DLGAP2: variants seen among roughly 807,000 people sequenced by gnomAD.
DLGAP2 encodes the protein DLG associated protein 2, also known as disks large-associated protein 2.
Under a neutral mutation model 100.3 loss-of-function variants are expected in DLGAP2, and 26 were observed. The observed-to-expected ratio is 0.26, with a 90% CI of 0.19 to 0.36. The LOEUF (loss-of-function observed/expected upper bound fraction) is 0.36, where lower values mean the gene tolerates loss of function less well. Ranked by LOEUF, DLGAP2 falls within the 10% of genes least tolerant of loss-of-function variation. DLGAP2 has a pLI of 1.00. For synonymous variants in DLGAP2, 886 were observed against 630.1 expected (o/e 1.41, Z -6.08); for missense variants, 1,858 against 1,453.2 (o/e 1.28, Z -4.53).
intron 3 of DLGAP2, among the ~76,000 whole-genome samples, chr8:1,363,335 G>A (rs966376158): frequency 1.2e-4 from 18 of 152,154 alleles, no homozygotes; most frequent in African/African-American, 1.7e-4. Context: ...GCATGCTTGC[G>A]GCTGTCTCTC....
chr8:1,430,025 T>TATATATATATAC (rs1797377276), intron 3 of DLGAP2, among the ~76,000 whole-genome samples: 1 of 98,816 alleles, frequency 1.0e-5, no homozygotes, highest in African/African-American at 4.2e-5. Flanking sequence ...TATATATATA[T>TATATATATATAC]ATACACACAC....
chr8:919,714 G>T (rs1430011563), intron 2 of DLGAP2, among the ~76,000 whole-genome samples: 2 of 152,130 alleles, frequency 1.3e-5, no homozygotes, highest in South Asian at 2.1e-4. Context: ...AGACCAGCCT[G>T]CATGGGGTGT....
chr8:1,278,839 T>G (rs543372644), intron 3 of DLGAP2, among the ~76,000 whole-genome samples: 1 of 152,364 alleles, frequency 6.6e-6, no homozygotes, highest in African/African-American at 2.4e-5. Context: ...TCTTAGTCTT[T>G]CCAGAGGAGA....
At chr8:1,045,034 G>T (rs1356464282) in intron 2 of DLGAP2, among the ~76,000 whole-genome samples, 1 of 152,184 alleles carries the variant, frequency 6.6e-6, no homozygotes, top group Non-Finnish European at 1.5e-5. Context: ...CATGATAAGT[G>T]AGCAGAGAGA....
intron 1 of DLGAP2, among the ~76,000 whole-genome samples, chr8:849,453 G>A (rs558626841): frequency 3.3e-5 from 5 of 152,338 alleles, no homozygotes; most frequent in African/African-American, 1.2e-4. Context: ...TTTCACTTGG[G>A]CATTTAGTTC....
Position 1,509,481 on chromosome 8 carries a change from T to C in DLGAP2, c.172+8050T>C, listed in dbSNP as rs527435034. On this transcript the variant is annotated intron_variant, in intron 4 of 14. Transcript: ENST00000637795. The stretch of plus-strand genomic sequence containing the variant: ...ATATACGTCTTATTGTGGAATATAA[T>C]CCAAAAAGTTTGAAAGCCCTTGGCA... 1.3e-5 allele frequency among the ~76,000 whole-genome samples: 2 copies of C among 152,036 alleles called. 1 individual carries two copies. The highest frequency in any genetic ancestry group is 2.9e-5 in the Non-Finnish European group (2 of 68,016).
At chr8:1,444,771 C>CTT (rs914045708) in intron 3 of DLGAP2, among the ~76,000 whole-genome samples, 3,671 of 79,700 alleles carry the variant, frequency 0.046, 101 homozygotes, top group African/African-American at 0.083. Flanking sequence ...CCAGGTCATT[C>CTT]TTTTTTTTTT....
intron 2 of DLGAP2, among the ~76,000 whole-genome samples, chr8:960,252 T>TC (rs71528626): frequency 7.0e-6 from 1 of 141,928 alleles, no homozygotes; most frequent in African/African-American, 2.8e-5. Flanking sequence ...TTTTTTTTTT[T>TC]CCCGAGACAC....
chr8:1,467,685 C>T (rs935245173), intron 3 of DLGAP2, among the ~76,000 whole-genome samples: 4 of 152,182 alleles, frequency 2.6e-5, no homozygotes, highest in Non-Finnish European at 5.9e-5. Flanking sequence ...AGAACCACGG[C>T]AACGTCCCAT....
chr8:1,646,078 C>T (rs572619468), intron 8 of DLGAP2, among the ~76,000 whole-genome samples: 9 of 152,266 alleles, frequency 5.9e-5, no homozygotes, highest in African/African-American at 1.7e-4. Context: ...TCTGGTTAAA[C>T]ATTATTGTGG....
At chr8:990,319 C>T (rs1358495131) in intron 2 of DLGAP2, among the ~76,000 whole-genome samples, 3 of 145,802 alleles carry the variant, frequency 2.1e-5, no homozygotes, top group Middle Eastern at 3.6e-3. Context: ...AGACCCCCTG[C>T]ACCCCCATAC....
chr8:769,627 C>T (rs536740969), intron 1 of DLGAP2, among the ~76,000 whole-genome samples: 105 of 152,168 alleles, frequency 6.9e-4, no homozygotes, highest in South Asian at 1.4e-3. Flanking sequence ...TCTGTGGTGA[C>T]GTGTTGGGAT....
chr8:1,089,828 C>G (rs1025656453), intron 2 of DLGAP2, among the ~76,000 whole-genome samples: 1 of 152,230 alleles, frequency 6.6e-6, no homozygotes, highest in African/African-American at 2.4e-5. Flanking sequence ...ACATTGTGAT[C>G]AGACCTGATT....
chr8:883,546 G>C (rs1248239160), intron 1 of DLGAP2, among the ~76,000 whole-genome samples: 1 of 151,644 alleles, frequency 6.6e-6, no homozygotes, highest in African/African-American at 2.4e-5. Flanking sequence ...TACATGTACA[G>C]AATGTGCAGG....
At chr8:1,346,078 T>C (rs1409995329) in intron 3 of DLGAP2, among the ~76,000 whole-genome samples, 1 of 152,204 alleles carries the variant, frequency 6.6e-6, no homozygotes, top group Non-Finnish European at 1.5e-5. Context: ...GAGTGGAGGT[T>C]GAGTGCCCGG....
chr8:1,681,478 AT>A (rs200905919), intron 12 of DLGAP2, among the ~76,000 whole-genome samples: 5 of 151,262 alleles, frequency 3.3e-5, no homozygotes, highest in East Asian at 1.9e-4. Context: ...ACCAAAAAAA[AT>A]AATAATAATA....
chr8:1,226,022 A>G (rs972171408), intron 2 of DLGAP2, among the ~76,000 whole-genome samples: 1 of 152,164 alleles, frequency 6.6e-6, no homozygotes, highest in Non-Finnish European at 1.5e-5. Flanking sequence ...GTATATATGC[A>G]TATATATGGT....
intron 10 of DLGAP2, among the ~76,000 whole-genome samples, chr8:1,671,829 G>C (rs1798698207): frequency 6.6e-6 from 1 of 152,210 alleles, no homozygotes; most frequent in Admixed American, 6.5e-5. Context: ...CTCCAGATTT[G>C]CAGGCCAGAT....
At chr8:914,754 C>A (rs190217017) in intron 2 of DLGAP2, among the ~76,000 whole-genome samples, 5 of 152,236 alleles carry the variant, frequency 3.3e-5, no homozygotes, top group Non-Finnish European at 5.9e-5. Context: ...TAGCTCAAGG[C>A]TGCATGTTCT....
Sources: allele counts gnomAD v4.1 joint callset (sites outside exome capture counted in the v4.1 genomes callset), GRCh38; gene constraint gnomAD v4.1.1; transcripts MANE v1.5; gene names NCBI Gene and HGNC (gene_info 2026-07-23, HGNC 2026-07-21).